TRIM37: variants seen among roughly 807,000 people sequenced by gnomAD.
The protein encoded by TRIM37 is tripartite motif containing 37, also known as E3 ubiquitin-protein ligase TRIM37.
TRIM37 carries 80 observed loss-of-function variants against 129.8 expected under a neutral mutation model. The observed-to-expected ratio is 0.62, with a 90% CI of 0.51 to 0.74. TRIM37 has a LOEUF of 0.74. Among genes scored for constraint, TRIM37 ranks in the 30% least tolerant of loss-of-function variants. The pLI is 0.00. For missense variants in TRIM37, 1,054 were observed against 1,176.5 expected (o/e 0.90, Z 1.52); for synonymous variants, 389 against 387.1 (o/e 1.00, Z -0.06).
chr17:58,983,749 G>A (rs563399528), intron 24 of TRIM37: 4 of 152,648 alleles, frequency 2.6e-5, no homozygotes, highest in Non-Finnish European at 5.9e-5. Context: ...TCCTTAAAGA[G>A]TGGCAGTATC....
At chr17:58,988,531 C>G (rs2144032305) in intron 24 of TRIM37, among the ~76,000 whole-genome samples, 2 of 152,224 alleles carry the variant, frequency 1.3e-5, no homozygotes, top group African/African-American at 4.8e-5. Flanking sequence ...CCACAATTAG[C>G]TGGGAAGGGG....
chr17:59,104,876 G>A (rs1172596587), intron 1 of TRIM37, among the ~76,000 whole-genome samples: 1 of 152,034 alleles, frequency 6.6e-6, no homozygotes, highest in Non-Finnish European at 1.5e-5. Flanking sequence ...TGGATCACTC[G>A]AGGTCGGGAG....
At chr17:59,072,328 T>C (rs185242297) in intron 8 of TRIM37, among the ~76,000 whole-genome samples, 3 of 152,318 alleles carry the variant, frequency 2.0e-5, no homozygotes, top group Non-Finnish European at 4.4e-5. Flanking sequence ...ATGACAGGCC[T>C]AGCAAGCTAA....
chr17:59,081,983 A>G (rs1261845294), intron 5 of TRIM37, among the ~76,000 whole-genome samples: 1 of 148,354 alleles, frequency 6.7e-6, no homozygotes, highest in Non-Finnish European at 1.5e-5. Context: ...TAATAATAAT[A>G]ATAATGCTGG....
intron 19 of TRIM37, among the ~76,000 whole-genome samples, chr17:59,020,125 G>A (rs1198122620): frequency 6.7e-6 from 1 of 148,592 alleles, no homozygotes; most frequent in Non-Finnish European, 1.5e-5. Flanking sequence ...CAGCTACTCA[G>A]GAGGCTGAGG....
intron 7 of TRIM37, among the ~76,000 whole-genome samples, chr17:59,077,627 T>A (rs1292087028): frequency 6.6e-6 from 1 of 151,470 alleles, no homozygotes. Context: ...CTGGCCAATA[T>A]GGTAAAACCC....
intron 24 of TRIM37, among the ~76,000 whole-genome samples, chr17:58,987,661 G>A (rs1212953545): frequency 1.3e-5 from 2 of 152,134 alleles, no homozygotes; most frequent in Non-Finnish European, 2.9e-5. Flanking sequence ...AGAATGAGGA[G>A]AAATCTAAAA....
chr17:59,054,881 C>T (rs1310422484), intron 13 of TRIM37, among the ~76,000 whole-genome samples: 1 of 149,088 alleles, frequency 6.7e-6, no homozygotes, highest in African/African-American at 2.5e-5. Context: ...GGCCAGGCTG[C>T]TCTCAAACTC....
At chr17:59,015,851 C>A (rs369739567) in intron 20 of TRIM37, 52 bp from the exon 21 acceptor site, 2 of 1,567,010 alleles carry the variant, frequency 1.3e-6, no homozygotes, top group East Asian at 4.5e-5. Context: ...TGGTGGTGTG[C>A]GCCTGTAATC....
chr17:59,078,598 T>C (rs375262469), intron 7 of TRIM37, among the ~76,000 whole-genome samples: 2 of 152,218 alleles, frequency 1.3e-5, no homozygotes, highest in African/African-American at 4.8e-5. Context: ...TCCAGTACTC[T>C]ACATGGCTTA....
downstream of TRIM37, chr17:58,982,186 T>C: frequency 6.5e-6 from 1 of 152,820 alleles, no homozygotes; most frequent in Middle Eastern, 3.4e-3. Context: ...CCTGCTTACA[T>C]GTAGCTTCAG....
At chr17:58,967,842 T>A in the TRIM37 span, among the ~76,000 whole-genome samples, 1 of 151,616 alleles carries the variant, frequency 6.6e-6, no homozygotes, top group Admixed American at 6.6e-5. Flanking sequence ...GCTCGCTCTG[T>A]CTCCAGGCTG....
At position 59,075,672 on chromosome 17, in the gene TRIM37, G is replaced by A; in HGVS notation, c.659C>T (p.Ser220Phe). 6.2e-7 allele frequency: 1 copy of A among 1,610,960 alleles called. No individual in the cohort carries two copies. Among genetic ancestry groups the A allele is most frequent in the Non-Finnish European group, 8.5e-7 (1 of 1,179,048 alleles). The change falls in exon 8 of 24, where the codon TCC becomes TTC. Residue 220 changes from serine (S) to phenylalanine (F), a missense_variant. Physicochemically the swap from Ser to Phe is radical, Grantham distance 155 (BLOSUM62 -2). Around this residue, in one of 3 missense-constraint regions of TRIM37, gnomAD observed 752 missense variants for 870.8 expected, o/e 0.86. Coordinates refer to ENST00000262294, the MANE Select transcript of TRIM37 (RefSeq NM_015294.6). ...CTGGTGCTCCACCTCCTGAAGTAAG[G>A]ATTCCAAAAGCTCTGTTTCTTGGGT... is the stretch of plus-strand genomic sequence containing the variant. ...SLTQETELLE[S>F]LLQEVEHQLR...
chr17:58,997,812 TCTC>T (rs2033155878), downstream of TRIM37, among the ~76,000 whole-genome samples: 1 of 152,126 alleles, frequency 6.6e-6, no homozygotes, highest in African/African-American at 2.4e-5. Flanking sequence ...AACTGGTTCT[TCTC>T]CTGTGCCTCT....
chr17:59,071,439 C>A (rs1298744238), intron 8 of TRIM37, among the ~76,000 whole-genome samples: 3 of 151,970 alleles, frequency 2.0e-5, no homozygotes, highest in Non-Finnish European at 2.9e-5. Context: ...GTGGGTGCCA[C>A]CATACCCAGG....
intron 22 of TRIM37, among the ~76,000 whole-genome samples, chr17:59,002,761 ACCACAGTTGCCCTGGAGAGCTT>A (rs1472541231): frequency 6.6e-6 from 1 of 152,212 alleles, no homozygotes; most frequent in Non-Finnish European, 1.5e-5. Flanking sequence ...TGGGTCAGGG[ACCACAGTTGCCCTGGAGAGCTT>A]CCTGTGAGGA....
At chr17:58,981,088 T>C, downstream of TRIM37, 1 of 1,236,594 alleles carries the variant, frequency 8.1e-7, no homozygotes, top group Non-Finnish European at 1.1e-6. Context: ...ACTATCAGAG[T>C]AGAAACAAGG....
intron 2 of TRIM37, among the ~76,000 whole-genome samples, 178 bp from the exon 3 acceptor site, chr17:59,091,518 T>C (rs2044326823): frequency 7.8e-6 from 1 of 127,568 alleles, no homozygotes; most frequent in African/African-American, 3.0e-5. Flanking sequence ...ATCATATATA[T>C]ATAATGTATA....
chr17:59,054,634 C>A (rs532818049), intron 13 of TRIM37, among the ~76,000 whole-genome samples: 4 of 150,886 alleles, frequency 2.7e-5, no homozygotes, highest in Non-Finnish European at 4.4e-5. Context: ...GTAAAGACTA[C>A]CCCACGTTAA....
Sources: allele counts gnomAD v4.1 joint callset (sites outside exome capture counted in the v4.1 genomes callset), GRCh38; gene constraint gnomAD v4.1.1; regional missense constraint gnomAD v4.1.1; transcripts MANE v1.5; gene names NCBI Gene and HGNC (gene_info 2026-07-23, HGNC 2026-07-21).